The following RANBP17 variants were observed in gnomAD, a reference collection of about 807,000 sequenced individuals.
RANBP17 encodes RAN binding protein 17, also known as ran-binding protein 17.
Under a neutral mutation model 141.2 loss-of-function variants are expected in RANBP17, and 158 were observed. That is an observed-to-expected ratio of 1.12 (90% CI 0.98 to 1.28). RANBP17 has a LOEUF of 1.28. Ranked by LOEUF, RANBP17 falls within the 50% of genes most tolerant of loss-of-function variation. The pLI is 0.00. For synonymous variants in RANBP17, 430 were observed against 450.0 expected (o/e 0.96, Z 0.56); for missense variants, 1,438 against 1,290.7 (o/e 1.11, Z -1.75).
chr5:171,112,771 TG>T (rs1341302882), intron 14 of RANBP17, among the ~76,000 whole-genome samples: 7 of 152,040 alleles, frequency 4.6e-5, no homozygotes, highest in Non-Finnish European at 7.4e-5. Flanking sequence ...CTGCCTTTTT[TG>T]TTGGGACACA....
intron 12 of RANBP17, among the ~76,000 whole-genome samples, chr5:170,947,787 T>C (rs1047631883): frequency 6.6e-6 from 1 of 152,062 alleles, no homozygotes; most frequent in African/African-American, 2.4e-5. Flanking sequence ...CCTAATAGTA[T>C]AATGGTCTCA....
In RANBP17 at chr5:171,058,953, A is replaced by G. The variant is rs199904306; in HGVS notation, c.1710+90576A>G. 3.7e-4 allele frequency among the ~76,000 whole-genome samples: 55 copies of G among 150,540 alleles called. 1 individual carries two copies. In the East Asian group the frequency reaches 0.01, roughly 28 times the overall value. On this transcript the variant is annotated intron_variant, in intron 14 of 27. Coordinates refer to ENST00000523189, the MANE Select transcript of RANBP17 (RefSeq NM_022897.5). Reference sequence around the variant, plus strand: ...TTTCATGTGTCTTTTGGCTGCATAAATGTCTTCTTTTGAGAAGTGTCTGTT... The same window carrying G: ...TTTCATGTGTCTTTTGGCTGCATAAGTGTCTTCTTTTGAGAAGTGTCTGTT...
intron 8 of RANBP17, 61 bp downstream of exon 8, chr5:170,914,301 T>C (rs959407671): frequency 4.8e-6 from 5 of 1,049,062 alleles, no homozygotes; most frequent in Middle Eastern, 2.2e-4. Context: ...GGGTGGTATA[T>C]ATTTACTTCA....
At position 171,118,699 on chromosome 5, in the gene RANBP17, G is replaced by A. The variant is rs188429772; in HGVS notation, c.1711-51431G>A. On this transcript the variant is annotated intron_variant, in intron 14 of 27. Transcript: ENST00000523189. ...ATTATAAATAGTAGCTACAAAAAAT[G>A]GATTGCCTTCTTGATTTCTTTTTCA... Among the ~76,000 whole-genome samples, 720 of 152,226 alleles carry A rather than the reference G, an allele frequency of 4.7e-3. 5 individuals are homozygous for A. Among genetic ancestry groups the A allele is most frequent in the African/African-American group, 0.017 (700 of 41,560 alleles).
chr5:171,098,010 C>T (rs1033448909), intron 14 of RANBP17, among the ~76,000 whole-genome samples: 1 of 152,042 alleles, frequency 6.6e-6, no homozygotes, highest in South Asian at 2.1e-4. Context: ...TGTATATGTG[C>T]CACATTTGCT....
intron 14 of RANBP17, among the ~76,000 whole-genome samples, chr5:171,016,839 G>C (rs1443168264): frequency 1.3e-5 from 2 of 151,570 alleles, no homozygotes; most frequent in Admixed American, 6.6e-5. Flanking sequence ...TTGTTACATA[G>C]GTATACATGT....
At chr5:171,202,528 C>T (rs569714102) in intron 19 of RANBP17, among the ~76,000 whole-genome samples, 7 of 152,286 alleles carry the variant, frequency 4.6e-5, no homozygotes, top group African/African-American at 1.7e-4. Flanking sequence ...TAAAAGTTTT[C>T]GCACTAAGTG....
At position 171,002,854 on chromosome 5, in the gene RANBP17, A is replaced by G. The variant is rs370856114; in HGVS notation, c.1710+34477A>G. On this transcript the variant is annotated intron_variant, in intron 14 of 27. Coordinates refer to ENST00000523189, the MANE Select transcript of RANBP17 (RefSeq NM_022897.5). ...TGTCAGGTGTATCAGAGATACAGTC[A>G]TGGGGGTCAGGTGTGGTTTCGGGAA... Among the ~76,000 whole-genome samples, 249 of 152,284 alleles carry G rather than the reference A, an allele frequency of 1.6e-3. 4 individuals carry two copies. In the South Asian group the frequency reaches 0.027, roughly 16 times the overall value.
intron 5 of RANBP17, 48 bp downstream of exon 5, chr5:170,896,163 T>C (rs372569277): frequency 3.0e-4 from 381 of 1,291,128 alleles, no homozygotes; most frequent in Non-Finnish European, 3.9e-4. Context: ...GCTTAAGTAA[T>C]GCTGTTTCTT....
At chr5:171,168,774 T>G (rs1183077189) in intron 14 of RANBP17, among the ~76,000 whole-genome samples, 1 of 152,204 alleles carries the variant, frequency 6.6e-6, no homozygotes, top group African/African-American at 2.4e-5. Flanking sequence ...AATGCTTTTC[T>G]GTAGGGCTCA....
chr5:171,298,005 C>T (rs868727043), intron 27 of RANBP17, among the ~76,000 whole-genome samples: 1 of 151,592 alleles, frequency 6.6e-6, no homozygotes, highest in South Asian at 2.1e-4. Flanking sequence ...TACAGGTGCC[C>T]ACCACCACAC....
At chr5:170,922,846 A>G (rs1000117523) in intron 11 of RANBP17, among the ~76,000 whole-genome samples, 2 of 152,056 alleles carry the variant, frequency 1.3e-5, no homozygotes, top group African/African-American at 4.8e-5. Flanking sequence ...ACCAGTCCCA[A>G]TGAGATGAAC....
At chr5:171,000,000 G>T (rs75571003) in intron 14 of RANBP17, among the ~76,000 whole-genome samples, 4,039 of 152,234 alleles carry the variant, frequency 0.027, 176 homozygotes, top group African/African-American at 0.091. Context: ...CATGGTATTA[G>T]TGTGCTTGTG....
At chr5:170,880,477 G>C (rs1368416957) in intron 2 of RANBP17, among the ~76,000 whole-genome samples, 1 of 152,168 alleles carries the variant, frequency 6.6e-6, no homozygotes, top group African/African-American at 2.4e-5. Flanking sequence ...ATCGGTAAAT[G>C]GCTGTGTGAT....
chr5:170,930,842 G>C (rs907181724), intron 12 of RANBP17, among the ~76,000 whole-genome samples: 2 of 152,142 alleles, frequency 1.3e-5, no homozygotes, highest in Admixed American at 1.3e-4. Flanking sequence ...CCAAGTCTTT[G>C]CTATTGTGAA....
rs368638316 is a variant in RANBP17, at chr5:170,939,637, C to T, written c.1469-13960C>T. 4.7e-4 allele frequency among the ~76,000 whole-genome samples: 72 copies of T among 152,122 alleles called. 1 individual carries two copies. The South Asian group carries it at 0.013, about 27-fold the overall frequency. ...CTGATCTCAAGTGATCTGCCCACCT[C>T]GGCCTCCCAAAATGCTAGGATTACA... On this transcript the variant is annotated intron_variant, in intron 12 of 27. Coordinates refer to ENST00000523189, the MANE Select transcript of RANBP17 (RefSeq NM_022897.5).
chr5:171,094,926 G>A (rs1162568710), intron 14 of RANBP17, among the ~76,000 whole-genome samples: 4 of 152,142 alleles, frequency 2.6e-5, no homozygotes, highest in Admixed American at 2.6e-4. Flanking sequence ...AATAGTGTTA[G>A]GAGGTGGGAT....
intron 14 of RANBP17, among the ~76,000 whole-genome samples, chr5:171,155,550 C>G (rs1311230680): frequency 6.6e-6 from 1 of 152,052 alleles, no homozygotes; most frequent in Non-Finnish European, 1.5e-5. Context: ...TCCCCTAATT[C>G]CATAATCTGT....
intron 27 of RANBP17, among the ~76,000 whole-genome samples, chr5:171,298,196 C>CAGG (rs1768939966): frequency 6.6e-6 from 1 of 152,110 alleles, no homozygotes; most frequent in South Asian, 2.1e-4. Context: ...GGTAACTACT[C>CAGG]ATATTAGGTA....
Sources: allele counts gnomAD v4.1 joint callset (sites outside exome capture counted in the v4.1 genomes callset), GRCh38; gene constraint gnomAD v4.1.1; transcripts MANE v1.5; gene names NCBI Gene and HGNC (gene_info 2026-07-23, HGNC 2026-07-21).